Variants in ADGB observed in about 807,000 individuals in gnomAD.
The protein encoded by ADGB is calpain-7-like protein.
ADGB carries 172 observed loss-of-function variants against 210.5 expected under a neutral mutation model. The ratio of observed to expected loss-of-function variants is 0.82; its 90% CI spans 0.72 to 0.93. The LOEUF is 0.93. ADGB is among the 40% of genes least tolerant of loss of function. ADGB has a pLI of 0.00. For synonymous variants in ADGB, 658 were observed against 662.7 expected (o/e 0.99, Z 0.11); for missense variants, 2,025 against 1,964.8 (o/e 1.03, Z -0.58).
chr6:146,790,252 C>A (rs1406331324), intron 33 of ADGB, among the ~76,000 whole-genome samples: 4 of 152,112 alleles, frequency 2.6e-5, no homozygotes, highest in Non-Finnish European at 4.4e-5. Context: ...GCTGTGTTCA[C>A]CAAGCTATGC....
intron 1 of ADGB, among the ~76,000 whole-genome samples, chr6:146,602,517 T>C (rs768600043): frequency 3.3e-5 from 5 of 152,198 alleles, no homozygotes; most frequent in Non-Finnish European, 7.3e-5. Flanking sequence ...TCATTGCCAG[T>C]ATCTTAGTTT....
intron 23 of ADGB, 91 bp from the exon 24 acceptor site, chr6:146,740,368 T>C: frequency 8.6e-7 from 1 of 1,165,796 alleles, no homozygotes; most frequent in Non-Finnish European, 1.2e-6. Flanking sequence ...TGCAATATCT[T>C]ATACTATTTT....
intron 35 of ADGB, among the ~76,000 whole-genome samples, chr6:146,809,457 C>T (rs747394958): frequency 3.3e-5 from 5 of 152,210 alleles, no homozygotes; most frequent in South Asian, 2.1e-4. Context: ...CCACCCCCCT[C>T]GGCCTCCTAA....
chr6:146,768,125 G>A lies in ADGB; in HGVS notation c.3751-895G>A, dbSNP rs187722010. On this transcript the variant is annotated intron_variant, in intron 28 of 35. Coordinates refer to ENST00000397944, the MANE Select transcript of ADGB (RefSeq NM_024694.4). Reference sequence around the variant, plus strand: ...ACAGATGACTTGAATAAATAGAGAAGCATTTCATGCTTTTCAGCAAGATGG... The same window carrying A: ...ACAGATGACTTGAATAAATAGAGAAACATTTCATGCTTTTCAGCAAGATGG... Among the ~76,000 whole-genome samples, 769 of 152,224 alleles carry A rather than the reference G, an allele frequency of 5.1e-3. 3 individuals are homozygous for A. The highest frequency in any genetic ancestry group is 5.6e-3 in the Non-Finnish European group (382 of 68,010).
rs76385977 is a variant in ADGB, at chr6:146,709,641, C to T, written c.1708-5741C>T. On this transcript the variant is annotated intron_variant, in intron 13 of 35. Transcript: ENST00000397944. Reference sequence around the variant, plus strand: ...GGGCCTCAGTTTATGGGGGCCAGCCCGCCACCAGGGTCTATTGGGTGGCCT... The same window carrying T: ...GGGCCTCAGTTTATGGGGGCCAGCCTGCCACCAGGGTCTATTGGGTGGCCT... Among the ~76,000 whole-genome samples, 1,009 of 152,214 alleles carry T rather than the reference C, an allele frequency of 6.6e-3. 6 individuals are homozygous for T. The highest frequency in any genetic ancestry group is 0.016 in the African/African-American group (665 of 41,498).
intron 1 of ADGB, among the ~76,000 whole-genome samples, chr6:146,610,905 T>C (rs913218331): frequency 8.6e-5 from 13 of 152,042 alleles, no homozygotes; most frequent in Non-Finnish European, 1.5e-4. Context: ...CATTCACACA[T>C]GCACGCTGGC....
intron 29 of ADGB, among the ~76,000 whole-genome samples, chr6:146,779,882 G>C (rs1777774784): frequency 6.8e-6 from 1 of 147,270 alleles, no homozygotes; most frequent in African/African-American, 2.5e-5. Context: ...AAAGACACTA[G>C]GCAGTAACTT....
chr6:146,637,778 A>C (rs2114861327), intron 2 of ADGB, among the ~76,000 whole-genome samples: 1 of 152,142 alleles, frequency 6.6e-6, no homozygotes, highest in African/African-American at 2.4e-5. Context: ...ATTCATTAAA[A>C]ATTATTAAGC....
intron 13 of ADGB, among the ~76,000 whole-genome samples, chr6:146,714,745 C>G (rs1776709113): frequency 6.6e-6 from 1 of 152,158 alleles, no homozygotes; most frequent in African/African-American, 2.4e-5. Flanking sequence ...ATAGGCTTTG[C>G]TTTGCACTTA....
chr6:146,606,319 C>T (rs763415312), intron 1 of ADGB, among the ~76,000 whole-genome samples: 3 of 152,086 alleles, frequency 2.0e-5, no homozygotes, highest in Non-Finnish European at 4.4e-5. Context: ...GCATAGTTTG[C>T]AAATATTTTC....
At chr6:146,718,703 C>CA (rs1185219646) in intron 16 of ADGB, among the ~76,000 whole-genome samples, 3 of 152,200 alleles carry the variant, frequency 2.0e-5, no homozygotes, top group Non-Finnish European at 4.4e-5. Context: ...ATGATAATCC[C>CA]ACACCTCCAT....
chr6:146,721,725 C>T (rs1442149334), intron 17 of ADGB, among the ~76,000 whole-genome samples: 2 of 152,142 alleles, frequency 1.3e-5, no homozygotes. Context: ...GTATTCCCAG[C>T]TACTCAGGAG....
chr6:146,695,134 C>G (rs1177872189), intron 12 of ADGB, among the ~76,000 whole-genome samples: 1 of 152,172 alleles, frequency 6.6e-6, no homozygotes. Context: ...AACAATGACC[C>G]TAACATTCAA....
chr6:146,625,057 T>C (rs1780952822), intron 1 of ADGB, among the ~76,000 whole-genome samples: 1 of 152,064 alleles, frequency 6.6e-6, no homozygotes, highest in South Asian at 2.1e-4. Flanking sequence ...ATAGAGTGTC[T>C]TATAAATGTT....
intron 18 of ADGB, chr6:146,725,420 C>A (rs1327671): frequency 6.6e-6 from 1 of 152,308 alleles, no homozygotes; most frequent in Non-Finnish European, 1.5e-5. Context: ...ATTAGAGTCT[C>A]ATAGGAGCGG....
At chr6:146,702,185 T>C (rs1776500811) in intron 13 of ADGB, among the ~76,000 whole-genome samples, 1 of 151,950 alleles carries the variant, frequency 6.6e-6, no homozygotes, top group African/African-American at 2.4e-5. Context: ...GTCTAGTTAA[T>C]AGGGCATTCA....
chr6:146,690,675 C>T (rs912577349), intron 10 of ADGB, among the ~76,000 whole-genome samples: 16 of 152,146 alleles, frequency 1.1e-4, no homozygotes, highest in Admixed American at 6.5e-4. Flanking sequence ...GAAGTGTAGA[C>T]AAGACAGCCA....
At chr6:146,793,757 G>C (rs916710383) in intron 33 of ADGB, among the ~76,000 whole-genome samples, 1 of 152,194 alleles carries the variant, frequency 6.6e-6, no homozygotes, top group Admixed American at 6.5e-5. Flanking sequence ...GATTTCAGAA[G>C]CCTTTTCCTG....
In ADGB at chr6:146,647,091, AAAAAAAC is replaced by A. The variant is rs1285066088; in HGVS notation, c.330+2251_330+2257del. ...GTGACAGAGTGAGAGCCTGTCTCAA[AAAAAAAC>A]AAAAAACAAAAAACAAAAAACAAAC... On this transcript the variant is annotated intron_variant, in intron 3 of 35. Coordinates refer to ENST00000397944, the MANE Select transcript of ADGB (RefSeq NM_024694.4). Among the ~76,000 whole-genome samples the A allele has an allele frequency of 9.0e-4, 131 of 145,364 alleles. 3 individuals carry two copies. Among genetic ancestry groups the A allele is most frequent in the South Asian group, 8.2e-3 (38 of 4,616 alleles).
Sources: gnomAD v4.1 joint callset for allele counts (sites outside exome capture counted in the v4.1 genomes callset) on GRCh38, gnomAD v4.1.1 for gene constraint, MANE v1.5 for transcripts, NCBI Gene and HGNC (gene_info 2026-07-23, HGNC 2026-07-21) for gene names.